Variants in DRC11L observed in about 807,000 individuals in gnomAD.
The protein encoded by DRC11L is dynein regulatory complex subunit 11 like.
At chr7:151,204,429 G>C in the DRC11L span, 1 of 398,234 alleles carries the variant, frequency 2.5e-6, no homozygotes, top group Non-Finnish European at 4.4e-6. Context: ...TGTGTCCCAG[G>C]TGGTCAAGGC....
chr7:151,196,135 G>T, the DRC11L span, among the ~76,000 whole-genome samples: 1 of 152,086 alleles, frequency 6.6e-6, no homozygotes, highest in African/African-American at 2.4e-5. Context: ...TGAGGATGGT[G>T]GGGGGGTGTG....
the DRC11L span, among the ~76,000 whole-genome samples, chr7:151,195,275 C>T: frequency 6.6e-6 from 1 of 152,096 alleles, no homozygotes; most frequent in Non-Finnish European, 1.5e-5. Context: ...TTTGGCAGGG[C>T]AGGTACTTGG....
At chr7:151,198,957 G>C in the DRC11L span, 3 of 399,030 alleles carry the variant, frequency 7.5e-6, no homozygotes, top group Non-Finnish European at 1.3e-5. Context: ...CACGAGGCAT[G>C]GCTGGGAGAT....
the DRC11L span, among the ~76,000 whole-genome samples, chr7:151,204,019 A>G: frequency 6.6e-6 from 1 of 152,244 alleles, no homozygotes; most frequent in East Asian, 1.9e-4. Flanking sequence ...CACACAGATC[A>G]CTGGAGGGTC....
the DRC11L span, chr7:151,195,861 C>T: frequency 2.6e-6 from 1 of 382,816 alleles, no homozygotes; most frequent in East Asian, 3.7e-5. Context: ...TGTTCACACC[C>T]AGGCCTAATC....
chr7:151,196,833 T>C, the DRC11L span: 1 of 398,044 alleles, frequency 2.5e-6, no homozygotes, highest in South Asian at 1.4e-4. Flanking sequence ...CATACCTCCC[T>C]CTCCTCATTT....
At chr7:151,201,911 AC>A in the DRC11L span, among the ~76,000 whole-genome samples, 3 of 152,146 alleles carry the variant, frequency 2.0e-5, no homozygotes, top group African/African-American at 7.2e-5. This position sits in a 1 kb window ranked among gnomAD's most constrained non-coding sequence, Gnocchi z 4.1. Context: ...AACCACTACT[AC>A]CAGGAGTCAG....
At chr7:151,192,010 C>G in the DRC11L span, 1 of 398,130 alleles carries the variant, frequency 2.5e-6, no homozygotes, top group East Asian at 3.6e-5. Flanking sequence ...CCATCAGCTC[C>G]CCTTCCCCAG....
chr7:151,203,383 A>AC, the DRC11L span: 1 of 399,106 alleles, frequency 2.5e-6, no homozygotes, highest in Non-Finnish European at 4.4e-6. Flanking sequence ...GGAGGGTGTC[A>AC]CCCCCGTTTA....
the DRC11L span, chr7:151,195,384 TCCACCA>T: frequency 5.0e-6 from 2 of 398,978 alleles, no homozygotes; most frequent in East Asian, 7.1e-5. Context: ...TGGGACTTAC[TCCACCA>T]CCACCACCAT....
At chr7:151,199,536 G>A in the DRC11L span, among the ~76,000 whole-genome samples, 1 of 152,026 alleles carries the variant, frequency 6.6e-6, no homozygotes, top group Non-Finnish European at 1.5e-5. This position sits in a 1 kb window ranked among gnomAD's most constrained non-coding sequence, Gnocchi z 5.2. Context: ...GCCTGCTCTC[G>A]TCTCCTGGGG....
the DRC11L span, chr7:151,192,158 A>C: frequency 1.0e-5 from 4 of 397,988 alleles, no homozygotes; most frequent in Non-Finnish European, 1.8e-5. Flanking sequence ...CTGCTTGTCC[A>C]GCAGCCCTTC....
At chr7:151,204,536 G>T in the DRC11L span, 3 of 398,854 alleles carry the variant, frequency 7.5e-6, no homozygotes, top group Non-Finnish European at 1.3e-5. Context: ...CCTGCAGCAC[G>T]CGGTCCAGGC....
the DRC11L span, chr7:151,196,540 G>A: frequency 3.6e-4 from 142 of 399,714 alleles, no homozygotes; most frequent in Admixed American, 2.4e-3. Context: ...CTCTCACACC[G>A]GTTCTTCCAT....
the DRC11L span, chr7:151,197,460 T>C: frequency 5.0e-6 from 2 of 397,568 alleles, no homozygotes; most frequent in Admixed American, 4.4e-5. Flanking sequence ...AACGATTCCC[T>C]AGGCCTAGAG....
At chr7:151,204,604 C>T in the DRC11L span, 2 of 399,006 alleles carry the variant, frequency 5.0e-6, no homozygotes, top group Non-Finnish European at 8.8e-6. Context: ...AGCACGCGGC[C>T]CGCCACGCCG....
chr7:151,200,802 A>G, the DRC11L span, among the ~76,000 whole-genome samples: 4 of 152,150 alleles, frequency 2.6e-5, no homozygotes, highest in Admixed American at 2.0e-4. Context: ...TGGAATAAAT[A>G]CTTGATTCCA....
the DRC11L span, among the ~76,000 whole-genome samples, chr7:151,194,850 A>T: frequency 6.6e-6 from 1 of 152,318 alleles, no homozygotes; most frequent in East Asian, 1.9e-4. Context: ...TGTGAGGGGG[A>T]CAGGGGCCTC....
chr7:151,204,934 G>A, the DRC11L span: 1 of 398,528 alleles, frequency 2.5e-6, no homozygotes, highest in Admixed American at 4.4e-5. Context: ...CGGGGTACCA[G>A]AAGGTGTGAT....
Sources: allele counts gnomAD v4.1 joint callset (sites outside exome capture counted in the v4.1 genomes callset), GRCh38; gene constraint gnomAD v4.1.1; non-coding constraint Gnocchi (gnomAD v3.1); transcripts MANE v1.5; gene names NCBI Gene and HGNC (gene_info 2026-07-23, HGNC 2026-07-21).